The following NCKAP5 variants were observed in gnomAD, a reference collection of about 807,000 sequenced individuals.
NCKAP5 encodes the protein NCK associated protein 5.
Under a neutral mutation model 167.0 loss-of-function variants are expected in NCKAP5, and 92 were observed. That is an observed-to-expected ratio of 0.55 (90% CI 0.47 to 0.66). NCKAP5 has a LOEUF of 0.66. NCKAP5 is among the 30% of genes least tolerant of loss of function. The pLI is 0.00. For synonymous variants in NCKAP5, 891 were observed against 877.4 expected (o/e 1.02, Z -0.27); for missense variants, 2,378 against 2,315.0 (o/e 1.03, Z -0.56).
intron 3 of NCKAP5, among the ~76,000 whole-genome samples, chr2:133,515,157 T>C (rs1683875729): frequency 6.6e-6 from 1 of 152,200 alleles, no homozygotes; most frequent in Admixed American, 6.5e-5. Context: ...CTGGTCTAGC[T>C]TTCTTTCTGA....
chr2:133,027,139 T>TC (rs2078724771), intron 6 of NCKAP5, among the ~76,000 whole-genome samples: 1 of 151,928 alleles, frequency 6.6e-6, no homozygotes, highest in African/African-American at 2.4e-5. Context: ...TGTACCTACT[T>TC]CCCCCATGAC....
At chr2:133,537,643 G>T (rs571866703) in intron 2 of NCKAP5, among the ~76,000 whole-genome samples, 9 of 151,970 alleles carry the variant, frequency 5.9e-5, no homozygotes, top group African/African-American at 2.2e-4. Flanking sequence ...AAACTAGTTC[G>T]TATTTCCTTC....
chr2:133,471,803 T>C (rs1018877583), intron 3 of NCKAP5, among the ~76,000 whole-genome samples: 2 of 152,256 alleles, frequency 1.3e-5, no homozygotes, highest in Non-Finnish European at 2.9e-5. Flanking sequence ...TCTCACCTCA[T>C]CAGGGCTACC....
chr2:132,707,682 ATGT>A (rs2105295761), intron 19 of NCKAP5, among the ~76,000 whole-genome samples: 1 of 152,342 alleles, frequency 6.6e-6, no homozygotes, highest in Non-Finnish European at 1.5e-5. Context: ...CCCTGTCTTC[ATGT>A]TGTTTAAATG....
At chr2:132,706,429 C>T (rs1218269187) in intron 19 of NCKAP5, among the ~76,000 whole-genome samples, 1 of 152,192 alleles carries the variant, frequency 6.6e-6, no homozygotes, top group Non-Finnish European at 1.5e-5. Flanking sequence ...TGGGTGTTCT[C>T]ATCTGAACAA....
At chr2:133,310,181 A>G (rs1681131632) in intron 3 of NCKAP5, among the ~76,000 whole-genome samples, 1 of 152,242 alleles carries the variant, frequency 6.6e-6, no homozygotes, top group Admixed American at 6.5e-5. Context: ...AACTATACAG[A>G]CAAGGTAATA....
the NCKAP5 span, among the ~76,000 whole-genome samples, chr2:133,646,355 C>T: frequency 6.6e-6 from 1 of 151,974 alleles, no homozygotes; most frequent in Non-Finnish European, 1.5e-5. Context: ...AGTGACTTGT[C>T]ACATACAAGG....
chr2:132,788,251 AAAGATG>A (rs1683755558), intron 13 of NCKAP5, among the ~76,000 whole-genome samples: 1 of 152,142 alleles, frequency 6.6e-6, no homozygotes, highest in Non-Finnish European at 1.5e-5. Flanking sequence ...TGGTTGACTA[AAAGATG>A]CTGTTGCTGA....
chr2:133,146,848 C>A (rs1468250879), intron 5 of NCKAP5, among the ~76,000 whole-genome samples: 1 of 152,062 alleles, frequency 6.6e-6, no homozygotes, highest in Non-Finnish European at 1.5e-5. Flanking sequence ...CTTAAACAAG[C>A]TAAGGCATGT....
intron 9 of NCKAP5, among the ~76,000 whole-genome samples, chr2:132,869,594 G>A (rs1690638260): frequency 1.3e-5 from 2 of 152,088 alleles, no homozygotes; most frequent in African/African-American, 4.8e-5. Flanking sequence ...AATCTTTTGG[G>A]GCTGGGCACA....
At chr2:132,991,632 T>C (rs1404816801) in intron 7 of NCKAP5, among the ~76,000 whole-genome samples, 4 of 152,212 alleles carry the variant, frequency 2.6e-5, no homozygotes, top group African/African-American at 9.7e-5. Flanking sequence ...GCTATTATTA[T>C]ATTAGCTCAA....
At chr2:133,198,308 A>C (rs1164608863) in intron 5 of NCKAP5, among the ~76,000 whole-genome samples, 2 of 152,156 alleles carry the variant, frequency 1.3e-5, no homozygotes, top group African/African-American at 4.8e-5. Context: ...AGTGAACCCC[A>C]AACAGGATAA....
chr2:133,574,208 G>T, the NCKAP5 span, among the ~76,000 whole-genome samples: 3 of 152,328 alleles, frequency 2.0e-5, no homozygotes, highest in South Asian at 2.1e-4. Flanking sequence ...TGCCCTGAAT[G>T]GTGTTGACAG....
intron 8 of NCKAP5, among the ~76,000 whole-genome samples, chr2:132,879,195 G>A (rs1290805494): frequency 2.6e-5 from 4 of 152,124 alleles, no homozygotes; most frequent in Non-Finnish European, 4.4e-5. Context: ...AGAGTGTTCC[G>A]TAAAAAGATT....
intron 6 of NCKAP5, chr2:133,122,152 T>C (rs1010845182): frequency 8.5e-5 from 13 of 152,144 alleles, no homozygotes; most frequent in African/African-American, 3.1e-4. Flanking sequence ...ATTGTGGTGG[T>C]AGTTACATGA....
At chr2:132,745,447 T>C (rs1249674644) in intron 16 of NCKAP5, among the ~76,000 whole-genome samples, 1 of 150,364 alleles carries the variant, frequency 6.7e-6, no homozygotes, top group Admixed American at 6.6e-5. Flanking sequence ...TTTCTCACTC[T>C]GTACAAGTGT....
chr2:133,634,674 A>G, the NCKAP5 span, among the ~76,000 whole-genome samples: 1 of 152,194 alleles, frequency 6.6e-6, no homozygotes, highest in South Asian at 2.1e-4. Context: ...GATAAGGAAC[A>G]AGAAGCTGAC....
At chr2:133,087,921 CCTT>C (rs2081046252) in intron 6 of NCKAP5, among the ~76,000 whole-genome samples, 1 of 152,154 alleles carries the variant, frequency 6.6e-6, no homozygotes, top group South Asian at 2.1e-4. Context: ...GGTATGATCT[CCTT>C]CTTTACGGAG....
intron 1 of NCKAP5, among the ~76,000 whole-genome samples, chr2:133,567,657 CTGTGTGTGTGTGTGTGTGTGTG>C (rs3050985): frequency 3.1e-5 from 4 of 130,900 alleles, no homozygotes; most frequent in African/African-American, 5.6e-5. Context: ...ATGAATGAGC[CTGTGTGTGTGTGTGTGTGTGTG>C]TGTGTGTGTG....
Sources: allele counts gnomAD v4.1 joint callset (sites outside exome capture counted in the v4.1 genomes callset), GRCh38; gene constraint gnomAD v4.1.1; transcripts MANE v1.5; gene names NCBI Gene and HGNC (gene_info 2026-07-23, HGNC 2026-07-21).